The following PTPRD variants were observed in gnomAD, a reference collection of about 807,000 sequenced individuals.
PTPRD encodes protein tyrosine phosphatase receptor type D.
PTPRD carries 34 observed loss-of-function variants against 214.5 expected under a neutral mutation model. The observed-to-expected ratio is 0.16, with a 90% confidence interval of 0.12 to 0.21. The LOEUF (loss-of-function observed/expected upper bound fraction) is 0.21. Among genes scored for constraint, PTPRD ranks in the 10% least tolerant of loss-of-function variants. The probability of loss-of-function intolerance (pLI) is 1.00; values close to 1 mark genes in which losing one functional copy is unlikely to be tolerated. For missense variants in PTPRD, 2,545 were observed against 2,398.7 expected, an observed-to-expected ratio of 1.06 and a Z score of -1.27; for synonymous variants, 1,128 against 845.7, an observed-to-expected ratio of 1.33 and a Z score of -5.79.
intron 11 of PTPRD, among the ~76,000 whole-genome samples, chr9:8,812,821 G>T: frequency 6.6e-6 from 1 of 151,650 alleles, no homozygotes; most frequent in Non-Finnish European, 1.5e-5. Flanking sequence ...TTTAGAAAAA[G>T]ATCTAGTTGC....
At chr9:10,402,069 G>A (rs1254589454) in intron 2 of PTPRD, among the ~76,000 whole-genome samples, 1 of 151,506 alleles carries the variant, frequency 6.6e-6, no homozygotes, top group Non-Finnish European at 1.5e-5. Flanking sequence ...AATGACTGTG[G>A]TTTTGAAGGG....
chr9:9,272,865 G>T (rs1364655821), intron 9 of PTPRD, among the ~76,000 whole-genome samples: 1 of 151,246 alleles, frequency 6.6e-6, no homozygotes, highest in Admixed American at 6.6e-5. Flanking sequence ...TCAAAGAAGT[G>T]CCCTGAAATA....
intron 14 of PTPRD, among the ~76,000 whole-genome samples, chr9:8,576,078 G>A (rs1397622207): frequency 6.6e-6 from 1 of 152,166 alleles, no homozygotes; most frequent in Non-Finnish European, 1.5e-5. Context: ...AGCAAATAAT[G>A]TTTGCACAAA....
At chr9:8,572,879 A>T (rs1339736640) in intron 14 of PTPRD, among the ~76,000 whole-genome samples, 1 of 152,060 alleles carries the variant, frequency 6.6e-6, no homozygotes, top group Admixed American at 6.6e-5. Context: ...TATATCCTAA[A>T]TATTTCCAAA....
chr9:9,641,852 G>A (rs1176383838), intron 7 of PTPRD, among the ~76,000 whole-genome samples: 2 of 151,998 alleles, frequency 1.3e-5, no homozygotes, highest in Non-Finnish European at 2.9e-5. Context: ...CCTAGCACCT[G>A]GACCCATTTA....
chr9:8,406,562 A>T (rs562238072), intron 35 of PTPRD, among the ~76,000 whole-genome samples: 1 of 151,816 alleles, frequency 6.6e-6, no homozygotes, highest in East Asian at 1.9e-4. Context: ...CTACCTATGC[A>T]GCTTTCGTCA....
intron 11 of PTPRD, among the ~76,000 whole-genome samples, chr9:8,922,808 G>C (rs1015407419): frequency 6.7e-6 from 1 of 148,672 alleles, no homozygotes; most frequent in African/African-American, 2.5e-5. Flanking sequence ...CATCACGCCC[G>C]GCTAATTTTT....
At chr9:10,502,802 TAATAATATAA>T (rs2044230835) in intron 2 of PTPRD, among the ~76,000 whole-genome samples, 2 of 152,064 alleles carry the variant, frequency 1.3e-5, no homozygotes, top group Non-Finnish European at 2.9e-5. Context: ...AGTTTTCAGA[TAATAATATAA>T]TACATTAATA....
At chr9:9,280,114 T>C (rs1947121284) in intron 9 of PTPRD, among the ~76,000 whole-genome samples, 1 of 151,276 alleles carries the variant, frequency 6.6e-6, no homozygotes. Flanking sequence ...AGTATGCCCT[T>C]GCCTGGGGTC....
chr9:9,888,294 G>A (rs953770522), intron 5 of PTPRD, among the ~76,000 whole-genome samples: 2 of 152,174 alleles, frequency 1.3e-5, no homozygotes, highest in African/African-American at 4.8e-5. Flanking sequence ...ACTCTCCTGA[G>A]GATAGTCCCC....
chr9:9,608,719 C>G (rs1380110982), intron 7 of PTPRD, among the ~76,000 whole-genome samples: 5 of 152,216 alleles, frequency 3.3e-5, no homozygotes, highest in Non-Finnish European at 7.3e-5. Flanking sequence ...CCTCAAGTGA[C>G]AGCTGTGGCA....
intron 10 of PTPRD, among the ~76,000 whole-genome samples, chr9:9,039,865 A>C (rs1183096807): frequency 6.6e-6 from 1 of 152,052 alleles, no homozygotes; most frequent in Non-Finnish European, 1.5e-5. Flanking sequence ...ACAATATCTG[A>C]GCTCAAAGCT....
At chr9:8,591,282 C>T (rs1007794264) in intron 14 of PTPRD, among the ~76,000 whole-genome samples, 4 of 152,094 alleles carry the variant, frequency 2.6e-5, no homozygotes, top group Admixed American at 2.0e-4. Flanking sequence ...AGGAACTAGT[C>T]GTGATTTGGA....
intron 5 of PTPRD, among the ~76,000 whole-genome samples, chr9:9,806,433 G>T (rs1468313191): frequency 2.0e-5 from 3 of 151,996 alleles, no homozygotes; most frequent in Non-Finnish European, 4.4e-5. Flanking sequence ...AATGTATTTT[G>T]TAACATTCCT....
At position 10,300,414 on chromosome 9, in the gene PTPRD, C is replaced by T. The variant is rs575249435; in HGVS notation, c.-545+40549G>A. On this transcript the variant is annotated intron_variant, in intron 3 of 45. Coordinates refer to ENST00000381196, the MANE Select transcript of PTPRD (RefSeq NM_002839.4). ...ACCTGGAATGCCAGCAAGACAGAAC[C>T]ATTCCCTCCCCTGGAAAGGGGGCTG... is the stretch of plus-strand genomic sequence containing the variant. 5.3e-5 allele frequency among the ~76,000 whole-genome samples: 8 copies of T among 152,278 alleles called. No homozygotes were observed. The South Asian group carries it at 1.5e-3, about 28-fold the overall frequency.
chr9:10,112,792 T>G (rs772724210), intron 3 of PTPRD, among the ~76,000 whole-genome samples: 1 of 152,244 alleles, frequency 6.6e-6, no homozygotes, highest in Non-Finnish European at 1.5e-5. Context: ...TATACATGTT[T>G]CCCCTTACCT....
chr9:9,931,267 G>A (rs71497159), intron 5 of PTPRD, among the ~76,000 whole-genome samples: 2,942 of 152,286 alleles, frequency 0.019, 49 homozygotes, highest in Non-Finnish European at 0.031. Context: ...AGCTCCCAGC[G>A]TGAGCGACGC....
Position 10,308,682 on chromosome 9 carries a change from T to G in PTPRD, c.-545+32281A>C, listed in dbSNP as rs1251401547. ...GTCATGTTAACAATATTACATTGTC[T>G]GATTCATTATCATGGGATGTCTTTT... is the stretch of plus-strand genomic sequence containing the variant. On this transcript the variant is annotated intron_variant, in intron 3 of 45. Coordinates refer to ENST00000381196, the MANE Select transcript of PTPRD (RefSeq NM_002839.4). Among the ~76,000 whole-genome samples, 4 of 152,130 alleles carry G rather than the reference T, an allele frequency of 2.6e-5. No homozygotes were observed. The East Asian group carries it at 7.7e-4, about 29-fold the overall frequency.
chr9:9,807,484 T>C (rs1271933032), intron 5 of PTPRD, among the ~76,000 whole-genome samples: 3 of 152,166 alleles, frequency 2.0e-5, no homozygotes, highest in African/African-American at 7.2e-5. Context: ...GCAATAGTAG[T>C]GTGAAGAGAT....
Sources: gnomAD v4.1 joint callset for allele counts (sites outside exome capture counted in the v4.1 genomes callset) on GRCh38, gnomAD v4.1.1 for gene constraint, MANE v1.5 for transcripts, NCBI Gene and HGNC (gene_info 2026-07-23, HGNC 2026-07-21) for gene names.